ROBO3: variants seen among roughly 807,000 people sequenced by gnomAD.
ROBO3 encodes roundabout guidance receptor 3, also known as roundabout homolog 3.
ROBO3 carries 97 observed loss-of-function variants against 160.5 expected under a neutral mutation model. The ratio of observed to expected loss-of-function variants is 0.60; its 90% CI spans 0.51 to 0.72. ROBO3 has a LOEUF of 0.72. ROBO3 is among the 30% of genes least tolerant of loss of function. ROBO3 has a pLI of 0.00. For synonymous variants in ROBO3, 780 were observed against 746.2 expected, an observed-to-expected ratio of 1.05 and a Z score of -0.74; for missense variants, 1,858 against 1,846.5, an observed-to-expected ratio of 1.01 and a Z score of -0.11.
At chr11:124,870,542 G>C in intron 5 of ROBO3, 59 bp from the exon 6 acceptor site, 1 of 1,610,556 alleles carries the variant, frequency 6.2e-7, no homozygotes, top group Non-Finnish European at 8.5e-7. Context: ...TCTGTCCTGG[G>C]GGAGAGAGAA....
At chr11:124,875,387 GGGTGGA>G (rs1446486622) in intron 14 of ROBO3, 51 bp downstream of exon 14, 27 of 1,522,732 alleles carry the variant, frequency 1.8e-5, no homozygotes, top group Non-Finnish European at 2.1e-5. Context: ...GAAGGGGTGG[GGGTGGA>G]GGTGGAGGGG....
At chr11:124,870,520 T>C in intron 5 of ROBO3, 81 bp from the exon 6 acceptor site, 1 of 1,595,338 alleles carries the variant, frequency 6.3e-7, no homozygotes, top group South Asian at 1.1e-5. Flanking sequence ...TTTAAGTACC[T>C]TGACCCTGGT....
chr11:124,878,914 G>A lies in ROBO3; in HGVS notation c.3533+118G>A. ...TGGATCTGGGGTACAGAGGTCTCAG[G>A]GCTGTGTCAGGGTGGAAGTGTAATT... On this transcript the variant is annotated intron_variant, in intron 23 of 27. Transcript: ENST00000397801. The surrounding 1 kb of genome is among the most constrained non-coding windows in gnomAD (Gnocchi z 4.3). 1 of 928,132 alleles carries A rather than the reference G, an allele frequency of 1.1e-6. No homozygotes were observed. The highest frequency in any genetic ancestry group is 1.6e-6 in the Non-Finnish European group (1 of 613,742). 57.5% of individuals were successfully genotyped at this position (928,132 alleles called of 1,614,324 possible). A position where few individuals can be genotyped will look rare whatever the true frequency, so the allele number is the denominator to read the frequency against.
At chr11:124,880,336 C>G (rs4366494) in intron 26 of ROBO3, 82 bp from the exon 27 acceptor site, 1 of 1,556,040 alleles carries the variant, frequency 6.4e-7, no homozygotes, top group African/African-American at 1.4e-5. Context: ...AGAGCTGAGC[C>G]TGTGGTCAGG....
At position 124,873,905 on chromosome 11, in the gene ROBO3, AG is replaced by A; in HGVS notation, c.1784+47del. 1 of 1,609,298 alleles carries A rather than the reference AG, an allele frequency of 6.2e-7. No individual in the cohort carries two copies. On this transcript the variant is annotated intron_variant, in intron 11 of 27. Transcript: ENST00000397801. This position sits in a 1 kb window ranked among gnomAD's most constrained non-coding sequence, Gnocchi z 4.5. ...AATGCAAACCTGGAGAGTTAAAAGG[AG>A]GGGATCCTATGCCCTTAGGGTCTTT...
In ROBO3 at chr11:124,876,159, G is replaced by T; in HGVS notation, c.2593+34G>T. 6.4e-7 allele frequency: 1 copy of T among 1,567,096 alleles called. No individual in the cohort carries two copies. ...ACCCGAGGGCAGTGCTGAGGATCTT[G>T]ACGGGGGCGGGGCAAGCCCCCCACT... On this transcript the variant is annotated intron_variant, in intron 16 of 27. Coordinates refer to ENST00000397801, the MANE Select transcript of ROBO3 (RefSeq NM_022370.4). The surrounding 1 kb of genome is among the most constrained non-coding windows in gnomAD (Gnocchi z 5.3).
Position 124,879,695 on chromosome 11 carries a change from T to C in ROBO3, c.3797-92T>C, listed in dbSNP as rs150871256. On this transcript the variant is annotated intron_variant, in intron 25 of 27. Transcript: ENST00000397801. ...GTGAACCCCAATCTTGGGCTGTTCA[T>C]TGGCAGCCTCCTGGTGCCAGGGAAT... is the stretch of plus-strand genomic sequence containing the variant. 2,847 of 1,573,924 alleles carry C rather than the reference T, an allele frequency of 1.8e-3. 4 individuals carry two copies. Among genetic ancestry groups the C allele is most frequent in the Admixed American group, 3.0e-3 (169 of 56,062 alleles).
At position 124,876,637 on chromosome 11, in the gene ROBO3, C is replaced by G; in HGVS notation, c.2779+177C>G. On this transcript the variant is annotated intron_variant, in intron 17 of 27. Transcript: ENST00000397801. The surrounding 1 kb of genome is among the most constrained non-coding windows in gnomAD (Gnocchi z 5.3). ...GGGGCGACTCGAGGAGCTGCCAGGA[C>G]TAGGGAGGGCTGCGGGCCAAGACGG... is the stretch of plus-strand genomic sequence containing the variant. The G allele has an allele frequency of 1.9e-6, 1 of 524,438 alleles. No homozygotes were observed. 32.5% of individuals were successfully genotyped at this position (524,438 alleles called of 1,614,324 possible).
At position 124,870,035 on chromosome 11, in the gene ROBO3, C is replaced by A. The variant is rs121918277; in HGVS notation, c.733C>A (p.Arg245=). 1.1e-5 allele frequency: 17 copies of A among 1,613,940 alleles called. No individual in the cohort carries two copies. The highest frequency in any genetic ancestry group is 2.2e-5 in the East Asian group (1 of 44,870). ...CGTAGCCTCCAACATGGCGGGAGAA[C>A]GGGAGAGTGCGGCAGCTGAAGTCAT... ...VCVASNMAGE[R]ESAAAEVMVL... Residue 245 remains arginine (R), a synonymous_variant, in exon 4 of 28, where the codon CGG becomes AGG. Transcript: ENST00000397801.
In ROBO3 at chr11:124,872,816, G is replaced by GAGGAC; in HGVS notation, c.1331-66_1331-62dup. 7.5e-7 allele frequency: 1 copy of GAGGAC among 1,324,518 alleles called. No individual in the cohort carries two copies. The highest frequency in any genetic ancestry group is 1.0e-6 in the Non-Finnish European group (1 of 982,556). 82.0% of individuals were successfully genotyped at this position (1,324,518 alleles called of 1,614,324 possible). A position where few individuals can be genotyped will look rare whatever the true frequency, so the allele number is the denominator to read the frequency against. ...TAGGGAGGGTGAAGGAGCAGAGAAT[G>GAGGAC]AGGACAAGGGGCTGCCCGCGGGGCC... On this transcript the variant is annotated intron_variant, in intron 8 of 27. Transcript: ENST00000397801. The surrounding 1 kb of genome is among the most constrained non-coding windows in gnomAD (Gnocchi z 4.3).
At position 124,872,970 on chromosome 11, in the gene ROBO3, A is replaced by C. The variant is rs113211215; in HGVS notation, c.1417A>C (p.Arg473=). ...TGGCTCCTCCGTGTGGCTGCCCTGCAGAGTGACTGGGAACCCTCAACCCAG... is the reference window on the plus strand; with the variant it reads ...TGGCTCCTCCGTGTGGCTGCCCTGCCGAGTGACTGGGAACCCTCAACCCAG... ...VLGSSVWLPC[R]VTGNPQPSVR... is the part of the protein sequence containing the mutation. The change falls in exon 9 of 28, where the codon AGA becomes CGA. Residue 473 remains arginine (R), a synonymous_variant. Coordinates refer to ENST00000397801, the MANE Select transcript of ROBO3 (RefSeq NM_022370.4). The surrounding 1 kb of genome is among the most constrained non-coding windows in gnomAD (Gnocchi z 4.3). 3.6e-5 allele frequency: 58 copies of C among 1,613,604 alleles called. No homozygotes were observed. In the African/African-American group the frequency reaches 6.1e-4, roughly 17 times the overall value.
intron 26 of ROBO3, among the ~76,000 whole-genome samples, chr11:124,880,185 C>T (rs1347794800): frequency 6.6e-6 from 1 of 152,226 alleles, no homozygotes; most frequent in East Asian, 1.9e-4. Context: ...GCTCTGTCCC[C>T]GCTCCCCACA....
intron 1 of ROBO3, among the ~76,000 whole-genome samples, chr11:124,866,332 G>C (rs1251313549): frequency 6.6e-6 from 1 of 152,238 alleles, no homozygotes; most frequent in Non-Finnish European, 1.5e-5. Flanking sequence ...GGCGGAGCTG[G>C]CGGCGAGGTC....
At chr11:124,867,626 G>T (rs1470984530) in intron 1 of ROBO3, among the ~76,000 whole-genome samples, 4 of 152,160 alleles carry the variant, frequency 2.6e-5, no homozygotes, top group African/African-American at 9.7e-5. Context: ...TTGACTCCAG[G>T]CAATTAAAAT....
intron 17 of ROBO3, 146 bp from the exon 18 acceptor site, chr11:124,877,015 C>T (rs572402716): frequency 1.1e-6 from 1 of 911,966 alleles, no homozygotes; most frequent in Admixed American, 1.8e-5. Flanking sequence ...GAGTCCCACC[C>T]CCGAGAAATT....
chr11:124,865,484 A>G lies in ROBO3; in HGVS notation c.-94A>G. ...GCACCGTGGCTGCCGCAGCGCGCAG[A>G]GGCTGTGGAGGGGCTTACGGCTCCC... is the stretch of plus-strand genomic sequence containing the variant. On this transcript the variant is annotated 5_prime_UTR_variant, in exon 1 of 28. Transcript: ENST00000397801. This position sits in a 1 kb window ranked among gnomAD's most constrained non-coding sequence, Gnocchi z 5.5. 1 of 1,305,608 alleles carries G rather than the reference A, an allele frequency of 7.7e-7. No individual in the cohort carries two copies. Among genetic ancestry groups the G allele is most frequent in the South Asian group, 1.3e-5 (1 of 75,362 alleles). The allele number at this position is 1,305,608 out of a possible 1,614,324, so 80.9% of individuals were successfully genotyped here. A position where few individuals can be genotyped will look rare whatever the true frequency, so the allele number is the denominator to read the frequency against.
chr11:124,873,414 T>C lies in ROBO3; in HGVS notation c.1618+23T>C. 1 of 1,590,120 alleles carries C rather than the reference T, an allele frequency of 6.3e-7. No individual in the cohort carries two copies. Among genetic ancestry groups the C allele is most frequent in the Non-Finnish European group, 8.6e-7 (1 of 1,164,176 alleles). ...GGGGTGAGTTTTTTCTTTCTTCCCT[T>C]ATTTTGATAATACCTTCCTCCAAAC... is the stretch of plus-strand genomic sequence containing the variant. On this transcript the variant is annotated intron_variant, in intron 10 of 27. Transcript: ENST00000397801. The surrounding 1 kb of genome is among the most constrained non-coding windows in gnomAD (Gnocchi z 4.5).
At position 124,865,865 on chromosome 11, in the gene ROBO3, TG is replaced by T; in HGVS notation, c.160+131del. The T allele has an allele frequency of 9.2e-7, 1 of 1,090,030 alleles. No homozygotes were observed. Among genetic ancestry groups the T allele is most frequent in the Non-Finnish European group, 1.3e-6 (1 of 778,906 alleles). 67.5% of individuals were successfully genotyped at this position (1,090,030 alleles called of 1,614,324 possible). ...TGAGTGGCGCCTCCCAGCGCCTCCC[TG>T]GGTCGTGGGGTCTAAGGGATAATTT... On this transcript the variant is annotated intron_variant, in intron 1 of 27. Coordinates refer to ENST00000397801, the MANE Select transcript of ROBO3 (RefSeq NM_022370.4). This position sits in a 1 kb window ranked among gnomAD's most constrained non-coding sequence, Gnocchi z 5.5.
chr11:124,875,534 T>C, intron 14 of ROBO3, 30 bp from the exon 15 acceptor site: 1 of 1,609,768 alleles, frequency 6.2e-7, no homozygotes, highest in Non-Finnish European at 8.5e-7. Context: ...ACTATTTGTG[T>C]CCTTCTCACC....
Sources: gnomAD v4.1 joint callset for allele counts (sites outside exome capture counted in the v4.1 genomes callset) on GRCh38, gnomAD v4.1.1 for gene constraint, Gnocchi (gnomAD v3.1) non-coding constraint, MANE v1.5 for transcripts, NCBI Gene and HGNC (gene_info 2026-07-23, HGNC 2026-07-21) for gene names.